BCL9L: variants seen among roughly 807,000 people sequenced by gnomAD.
BCL9L encodes the protein B-cell CLL/lymphoma 9-like protein.
Under a neutral mutation model 99.4 loss-of-function variants are expected in BCL9L, and 19 were observed. The ratio of observed to expected loss-of-function variants is 0.19; its 90% confidence interval spans 0.13 to 0.28. The LOEUF (loss-of-function observed/expected upper bound fraction) is 0.28, where lower values mean the gene tolerates loss of function less well. Among genes scored for constraint, BCL9L ranks in the 10% least tolerant of loss-of-function variants. The pLI, the probability that BCL9L is intolerant of heterozygous loss-of-function variation, is 1.00. For missense variants in BCL9L, 2,023 were observed against 2,101.6 expected, an observed-to-expected ratio of 0.96 and a Z score of 0.73; for synonymous variants, 900 against 854.8, an observed-to-expected ratio of 1.05 and a Z score of -0.92.
At chr11:118,924,382 A>AG (rs1184431427) in intron 1 of BCL9L, among the ~76,000 whole-genome samples, 1 of 151,670 alleles carries the variant, frequency 6.6e-6, no homozygotes, top group Admixed American at 6.6e-5. Flanking sequence ...GAAGGGAGAG[A>AG]GGGGGTGTCA....
Position 118,899,120 on chromosome 11 carries a change from G to A in BCL9L, c.3795C>T (p.Asp1265=), listed in dbSNP as rs1218451553. 6 of 1,558,260 alleles carry A rather than the reference G, an allele frequency of 3.9e-6. No homozygotes were observed. The highest frequency in any genetic ancestry group is 1.7e-4 in the Middle Eastern group (1 of 5,908). ...YPSGMALPPE[D]LPNQPPGPMP... The stretch of plus-strand genomic sequence containing the variant: ...TGGGGCCTGGCGGCTGGTTGGGCAG[G>A]TCCTCGGGAGGCAGGGCCATGCCTG... The change falls in exon 10 of 10, where the codon GAC becomes GAT. Residue 1265 remains aspartate (D), a synonymous_variant. Coordinates refer to ENST00000683865, the MANE Select transcript of BCL9L (RefSeq NM_001378213.1).
rs746975907 is a variant in BCL9L, at chr11:118,898,627, G to C, written c.4288C>G (p.Gln1430Glu). 4 of 1,612,374 alleles carry C rather than the reference G, an allele frequency of 2.5e-6. No homozygotes were observed. In the African/African-American group the frequency reaches 5.3e-5, roughly 22 times the overall value. Residue 1430 changes from glutamine to glutamate, a missense_variant, in exon 10 of 10, where the codon CAG becomes GAG. Physicochemically the swap from Gln to Glu is conservative, Grantham distance 29. Transcript: ENST00000683865. The part of the protein sequence containing the change: ...VMSPPQGLMT[Q>E]QNFMLMKQRG... ...TGCTTCATCAGCATGAAATTCTGCT[G>C]GGTCATGAGGCCTTGTGGAGGGGAC...
Position 118,901,364 on chromosome 11 carries a change from C to T in BCL9L, c.2379G>A (p.Gln793=). Residue 793 remains glutamine, a synonymous_variant, in exon 8 of 10, where the codon CAG becomes CAA. Coordinates refer to ENST00000683865, the MANE Select transcript of BCL9L (RefSeq NM_001378213.1). The surrounding 1 kb of genome is among the most constrained non-coding windows in gnomAD (Gnocchi z 6.6). ...CCCGCATCTTCTGCGACATCAGCAT[C>T]TGCTGCTGCGGGGTCATCTGCACGT... ...NLNVQMTPQQ[Q]MLMSQKMRGP... is the part of the protein sequence containing the mutation. 5.0e-6 allele frequency: 8 copies of T among 1,613,884 alleles called. No homozygotes were observed. The highest frequency in any genetic ancestry group is 6.8e-6 in the Non-Finnish European group (8 of 1,179,970).
At chr11:118,909,864 C>A in intron 3 of BCL9L, 50 bp downstream of exon 3, 2 of 1,613,742 alleles carry the variant, frequency 1.2e-6, no homozygotes, top group South Asian at 1.1e-5. Flanking sequence ...GGGCCCTTCC[C>A]TTCCCGCACT....
intron 4 of BCL9L, 141 bp downstream of exon 4, chr11:118,908,129 G>A (rs1049556956): frequency 4.7e-5 from 58 of 1,242,144 alleles, no homozygotes; most frequent in South Asian, 1.2e-4. Flanking sequence ...GGTGGGTGTT[G>A]AAAGGTACCC....
chr11:118,902,097 A>T lies in BCL9L; in HGVS notation c.1646T>A (p.Met549Lys). The change falls in exon 8 of 10, where the codon ATG becomes AAG. Residue 549 changes from methionine to lysine, a missense_variant. Met to Lys is a moderately conservative substitution (Grantham distance 95). This residue lies in a region of BCL9L where 1,116 missense variants were observed against 1,194.6 expected (regional missense o/e 0.93). Transcript: ENST00000683865. The surrounding 1 kb of genome is among the most constrained non-coding windows in gnomAD (Gnocchi z 7.8). ...GLHGSRPLQD[M>K]MGMGGMMVRG... ...CACCATCATGCCCCCCATGCCCATC[A>T]TGTCCTGCAGAGGACGGCTCCCATG... 1 of 1,613,796 alleles carries T rather than the reference A, an allele frequency of 6.2e-7. No homozygotes were observed. The highest frequency in any genetic ancestry group is 1.3e-5 in the African/African-American group (1 of 74,918).
In BCL9L at chr11:118,901,690, C is replaced by G. The variant is rs751415971; in HGVS notation, c.2053G>C (p.Glu685Gln). 8.1e-6 allele frequency: 13 copies of G among 1,613,784 alleles called. No individual in the cohort carries two copies. The highest frequency in any genetic ancestry group is 8.5e-6 in the Non-Finnish European group (10 of 1,180,008). ...CGCTGCATGCCCATCGACCGCTTCT[C>G]CAGCAGCTGGTGCCGCAGCAGCTCC... ...REELLRHQLL[E>Q]KRSMGMQRPL... The change falls in exon 8 of 10, where the codon GAG (glutamate) becomes CAG (glutamine). Residue 685 changes from glutamate to glutamine, a missense_variant. This residue lies in a region of BCL9L where 1,116 missense variants were observed against 1,194.6 expected (regional missense o/e 0.93). Coordinates refer to ENST00000683865, the MANE Select transcript of BCL9L (RefSeq NM_001378213.1). The surrounding 1 kb of genome is among the most constrained non-coding windows in gnomAD (Gnocchi z 6.6).
At chr11:118,909,771 C>A (rs1490945226) in intron 3 of BCL9L, 143 bp downstream of exon 3, 1 of 1,370,496 alleles carries the variant, frequency 7.3e-7, no homozygotes, top group Non-Finnish European at 1.0e-6. Flanking sequence ...TGCTAACCCC[C>A]CTTTAGCCCA....
At position 118,903,530 on chromosome 11, in the gene BCL9L, G is replaced by A; in HGVS notation, c.533-78C>T. The A allele has an allele frequency of 1.4e-6, 2 of 1,462,122 alleles. No individual in the cohort carries two copies. Among genetic ancestry groups the A allele is most frequent in the Non-Finnish European group, 9.5e-7 (1 of 1,056,462 alleles). The allele number at this position is 1,462,122 out of a possible 1,614,324, so 90.6% of individuals were successfully genotyped here. A position where few individuals can be genotyped will look rare whatever the true frequency, so the allele number is the denominator to read the frequency against. ...CCAGCTGATGCCCCCTCCCACTGAT[G>A]CTCACAGCCTTACAGCTCGTGCCCA... On this transcript the variant is annotated intron_variant, in intron 5 of 9. Coordinates refer to ENST00000683865, the MANE Select transcript of BCL9L (RefSeq NM_001378213.1). This position sits in a 1 kb window ranked among gnomAD's most constrained non-coding sequence, Gnocchi z 5.6.
Position 118,901,032 on chromosome 11 carries a change from G to A in BCL9L, c.2711C>T (p.Ser904Leu), listed in dbSNP as rs759900233. The stretch of plus-strand genomic sequence containing the variant: ...CCTGCCTAGCCCCCGGTTTGGGGCT[G>A]AATGCACGGTCCCAGGAGGATTGGA... ...PASNPPGTVHSAPNRGLGRRP... is the reference protein window; with the variant it reads ...PASNPPGTVHLAPNRGLGRRP... Residue 904 changes from serine (S) to leucine (L), a missense_variant, in exon 8 of 10, where the codon TCA (serine) becomes TTA (leucine). Physicochemically the swap from Ser to Leu is moderately radical, Grantham distance 145 (BLOSUM62 -2). This residue lies in a region of BCL9L where 902 missense variants were observed against 888.2 expected (regional missense o/e 1.02). Coordinates refer to ENST00000683865, the MANE Select transcript of BCL9L (RefSeq NM_001378213.1). The surrounding 1 kb of genome is among the most constrained non-coding windows in gnomAD (Gnocchi z 6.6). 7 of 1,573,864 alleles carry A rather than the reference G, an allele frequency of 4.4e-6. No homozygotes were observed. In the East Asian group the frequency reaches 9.0e-5, roughly 20 times the overall value.
chr11:118,899,345 G>C lies in BCL9L; in HGVS notation c.3570C>G (p.Asn1190Lys). Residue 1190 changes from asparagine to lysine, a missense_variant, in exon 10 of 10, where the codon AAC becomes AAG. Physicochemically the swap from Asn to Lys is moderately conservative, Grantham distance 94. This residue lies in a region of BCL9L where 902 missense variants were observed against 888.2 expected (regional missense o/e 1.02). Coordinates refer to ENST00000683865, the MANE Select transcript of BCL9L (RefSeq NM_001378213.1). Reference protein sequence around the residue: ...PLGSNIPLHPNAQGTGGPPQN... With the variant: ...PLGSNIPLHPKAQGTGGPPQN... ...GAGGGGGCCCCCCTGTCCCCTGTGC[G>C]TTGGGATGCAGTGGAATGTTGGAGC... is the stretch of plus-strand genomic sequence containing the variant. 6.3e-7 allele frequency: 1 copy of C among 1,579,710 alleles called. No individual in the cohort carries two copies. Among genetic ancestry groups the C allele is most frequent in the Non-Finnish European group, 8.6e-7 (1 of 1,163,520 alleles).
intron 2 of BCL9L, among the ~76,000 whole-genome samples, chr11:118,912,954 A>AC (rs1276126741): frequency 6.6e-6 from 1 of 151,588 alleles, no homozygotes; most frequent in African/African-American, 2.4e-5. Flanking sequence ...GGGTGTCAGG[A>AC]CCCCTCAGTC....
intron 1 of BCL9L, among the ~76,000 whole-genome samples, chr11:118,924,212 T>C (rs192659692): frequency 1.3e-5 from 2 of 151,320 alleles, no homozygotes; most frequent in African/African-American, 4.9e-5. Context: ...AGGCTGGGAG[T>C]GAGGGCAGAA....
At position 118,908,674 on chromosome 11, in the gene BCL9L, AAT is replaced by A. The variant is rs1265218037; in HGVS notation, c.27-21_27-20del. On this transcript the variant is annotated intron_variant, in intron 3 of 9. Coordinates refer to ENST00000683865, the MANE Select transcript of BCL9L (RefSeq NM_001378213.1). Reference sequence around the variant, plus strand: ...GGGTAACCTGGGAGGAGGTGGGAGAAATGTGAAAAGTTAACCTTGCTAGGGGC... The same window carrying A: ...GGGTAACCTGGGAGGAGGTGGGAGAAGTGAAAAGTTAACCTTGCTAGGGGC... 1 of 1,593,506 alleles carries A rather than the reference AAT, an allele frequency of 6.3e-7. No homozygotes were observed. The highest frequency in any genetic ancestry group is 8.5e-7 in the Non-Finnish European group (1 of 1,169,792).
rs1940641098 is a variant in BCL9L, at chr11:118,908,669, G to A, written c.27-14C>T. The A allele has an allele frequency of 6.3e-7, 1 of 1,595,744 alleles. No homozygotes were observed. Among genetic ancestry groups the A allele is most frequent in the Non-Finnish European group, 8.5e-7 (1 of 1,170,754 alleles). The stretch of plus-strand genomic sequence containing the variant: ...GGGTGGGGTAACCTGGGAGGAGGTG[G>A]GAGAAATGTGAAAAGTTAACCTTGC... On this transcript the variant is annotated splice_polypyrimidine_tract_variant and intron_variant, in intron 3 of 9. Coordinates refer to ENST00000683865, the MANE Select transcript of BCL9L (RefSeq NM_001378213.1).
intron 2 of BCL9L, chr11:118,911,146 G>C: frequency 2.3e-6 from 1 of 441,454 alleles, no homozygotes; most frequent in Non-Finnish European, 4.6e-6. Context: ...CACAAACACA[G>C]AGGCCTCACC....
At chr11:118,915,676 C>T (rs535042523) in intron 2 of BCL9L, among the ~76,000 whole-genome samples, 15 of 152,326 alleles carry the variant, frequency 9.8e-5, no homozygotes, top group East Asian at 7.7e-4. Flanking sequence ...TTCAAGAGAG[C>T]CAGCCTCCCC....
Position 118,908,254 on chromosome 11 carries a change from T to C in BCL9L, c.412+16A>G. On this transcript the variant is annotated intron_variant, in intron 4 of 9. Transcript: ENST00000683865. ...ATGGGAGATGCTAGGGTCTTAGGGA[T>C]GAGGAAATGGGGTACCTTTGGCCTC... The C allele has an allele frequency of 6.5e-7, 1 of 1,533,686 alleles. No individual in the cohort carries two copies. Among genetic ancestry groups the C allele is most frequent in the South Asian group, 1.3e-5 (1 of 77,296 alleles).
chr11:118,925,691 T>G lies in BCL9L; in HGVS notation c.-584A>C, dbSNP rs1276948589. ...GGTGGGGAGGGGCTGTCTGGGCGCTTATTGTTGGTCGGACTCCGAGGGTCC... is the reference window on the plus strand; with the variant it reads ...GGTGGGGAGGGGCTGTCTGGGCGCTGATTGTTGGTCGGACTCCGAGGGTCC... On this transcript the variant is annotated 5_prime_UTR_variant, in exon 1 of 10. Transcript: ENST00000683865. This position sits in a 1 kb window ranked among gnomAD's most constrained non-coding sequence, Gnocchi z 6.4. 2 of 150,792 alleles carry G rather than the reference T, an allele frequency of 1.3e-5. No individual in the cohort carries two copies. Among genetic ancestry groups the G allele is most frequent in the African/African-American group, 4.9e-5 (2 of 41,150 alleles). The allele number at this position is 150,792 out of a possible 1,614,324, so 9.3% of individuals were successfully genotyped here.
Sources: gnomAD v4.1 joint callset for allele counts (sites outside exome capture counted in the v4.1 genomes callset) on GRCh38, gnomAD v4.1.1 for gene constraint, gnomAD v4.1.1 regional missense constraint, Gnocchi (gnomAD v3.1) non-coding constraint, MANE v1.5 for transcripts, NCBI Gene and HGNC (gene_info 2026-07-23, HGNC 2026-07-21) for gene names.